Variants in URI1 observed in about 807,000 individuals in gnomAD.
The protein encoded by URI1 is URI1 prefoldin like chaperone.
In URI1, 39 loss-of-function variants were observed where a neutral mutation model predicts 60.2. The observed-to-expected ratio is 0.65, with a 90% confidence interval of 0.50 to 0.85. The LOEUF (loss-of-function observed/expected upper bound fraction) is 0.85, where lower values mean the gene tolerates loss of function less well. URI1 is among the 40% of genes least tolerant of loss of function. The pLI is 0.00. For synonymous variants in URI1, 251 were observed against 236.8 expected, an observed-to-expected ratio of 1.06 and a Z score of -0.55; for missense variants, 691 against 665.9, an observed-to-expected ratio of 1.04 and a Z score of -0.42.
intron 10 of URI1, chr19:30,012,742 C>A: frequency 2.0e-6 from 1 of 512,414 alleles, no homozygotes; most frequent in Non-Finnish European, 3.1e-6. Flanking sequence ...TCTTAACGTT[C>A]TATTTCAGCA....
intron 2 of URI1, among the ~76,000 whole-genome samples, chr19:29,984,523 A>C (rs1450059870): frequency 6.6e-6 from 1 of 152,044 alleles, no homozygotes; most frequent in Non-Finnish European, 1.5e-5. Flanking sequence ...TTCACATTTT[A>C]TTTGGTCCAG....
Position 30,007,543 on chromosome 19 carries a change from T to A in URI1, c.591T>A (p.Asn197Lys). Residue 197 changes from asparagine (N) to lysine (K), a missense_variant, in exon 7 of 11, where the codon AAT (asparagine) becomes AAA (lysine). Transcript: ENST00000392271. ...ATATTTTTGAAGCAGATATTGCAAA[T>A]GATGTGAAATCCAAGGATTTGCTAG... The part of the protein sequence containing the change: ...TSDIFEADIA[N>K]DVKSKDLLAD... 6.2e-7 allele frequency: 1 copy of A among 1,613,454 alleles called. No homozygotes were observed. Among genetic ancestry groups the A allele is most frequent in the Non-Finnish European group, 8.5e-7 (1 of 1,179,628 alleles).
chr19:29,980,815 A>G (rs1037957673), intron 2 of URI1, among the ~76,000 whole-genome samples: 3 of 150,232 alleles, frequency 2.0e-5, no homozygotes. Flanking sequence ...TCAGCTACTC[A>G]GGAGGCTGAG....
In URI1 at chr19:30,000,677, T is replaced by G. The variant is rs185856183; in HGVS notation, c.368-4684T>G. Among the ~76,000 whole-genome samples, 4 of 152,070 alleles carry G rather than the reference T, an allele frequency of 2.6e-5. No homozygotes were observed. In the East Asian group the frequency reaches 5.8e-4, roughly 22 times the overall value. On this transcript the variant is annotated intron_variant, in intron 4 of 10. Coordinates refer to ENST00000392271, the MANE Select transcript of URI1 (RefSeq NM_003796.3). ...TGTATATAACTTGTTTTTTTGTTTT[T>G]AAAGCTTTGAGATTCCTTTTTGGTC...
rs775159256 is a variant in URI1 at position 29,985,282 on chromosome 19, A to G, written c.212A>G (p.Lys71Arg). The G allele has an allele frequency of 1.2e-6, 2 of 1,611,106 alleles. No homozygotes were observed. Residue 71 changes from lysine (K) to arginine (R), a missense_variant, in exon 3 of 11, where the codon AAA (lysine) becomes AGA (arginine). Physicochemically the swap from Lys to Arg is conservative, Grantham distance 26. Coordinates refer to ENST00000392271, the MANE Select transcript of URI1 (RefSeq NM_003796.3). The stretch of plus-strand genomic sequence containing the variant: ...GAAAGACTCAGCACCTTGCCTGATA[A>G]ATTGTCTTATAATATAATGGTATGT... ...LRERLSTLPD[K>R]LSYNIMVPFG...
At chr19:29,942,103 C>T (rs1483107080), upstream of URI1, 4 of 506,288 alleles carry the variant, frequency 7.9e-6, no homozygotes, top group Admixed American at 6.4e-5. Flanking sequence ...ACAAACGCAG[C>T]CCAGCGCGGA....
chr19:30,004,853 T>TA (rs2055920402), intron 4 of URI1, among the ~76,000 whole-genome samples: 2 of 152,072 alleles, frequency 1.3e-5, no homozygotes, highest in African/African-American at 4.8e-5. Context: ...CTGTGTGTTG[T>TA]GTTGTTATGC....
At chr19:29,927,557 C>G (rs1410519919) in intron 1 of URI1, among the ~76,000 whole-genome samples, 2 of 110,798 alleles carry the variant, frequency 1.8e-5, no homozygotes, top group African/African-American at 8.9e-5. Context: ...CCACTGCACC[C>G]GGCTTTTTTT....
intron 2 of URI1, among the ~76,000 whole-genome samples, chr19:29,976,281 A>G (rs1173245242): frequency 2.0e-5 from 3 of 152,190 alleles, no homozygotes; most frequent in Non-Finnish European, 4.4e-5. Context: ...GGGTGTGCAT[A>G]TTAAGCTGGG....
intron 1 of URI1, among the ~76,000 whole-genome samples, chr19:29,931,525 G>C (rs2145197343): frequency 6.6e-6 from 1 of 152,200 alleles, no homozygotes; most frequent in Non-Finnish European, 1.5e-5. Flanking sequence ...TTCCATAAAG[G>C]CCCTATCTTC....
intron 1 of URI1, among the ~76,000 whole-genome samples, chr19:29,930,747 T>C (rs929171661): frequency 6.6e-6 from 1 of 152,100 alleles, no homozygotes; most frequent in Non-Finnish European, 1.5e-5. Context: ...CAGGCTGGAG[T>C]GCAGTGGTGC....
intron 1 of URI1, among the ~76,000 whole-genome samples, chr19:29,934,849 C>T (rs1351678194): frequency 1.3e-5 from 2 of 152,160 alleles, no homozygotes; most frequent in Non-Finnish European, 2.9e-5. Context: ...GGATTACAGG[C>T]ATAAGCCAAC....
At chr19:29,933,461 AT>A (rs1366026695) in intron 1 of URI1, among the ~76,000 whole-genome samples, 2 of 152,068 alleles carry the variant, frequency 1.3e-5, no homozygotes. Context: ...TCTCACTTTC[AT>A]TTCTGATTTT....
At position 29,943,298 on chromosome 19, in the gene URI1, G is replaced by A. The variant is rs1377233308; in HGVS notation, c.117+634G>A. On this transcript the variant is annotated intron_variant, in intron 1 of 10. Transcript: ENST00000392271. ...TTTAATTTCATCGTATAATAAATGA[G>A]TTTTAAACTACTGGTGAAAAGGGTA... 4.8e-4 allele frequency among the ~76,000 whole-genome samples: 73 copies of A among 152,106 alleles called. 2 individuals carry two copies. Among genetic ancestry groups the A allele is most frequent in the Admixed American group, 4.8e-3 (73 of 15,268 alleles).
chr19:30,012,338 A>G lies in URI1; in HGVS notation c.1232A>G (p.Lys411Arg). Residue 411 changes from lysine (K) to arginine (R), a missense_variant, in exon 10 of 11, where the codon AAG becomes AGG. Coordinates refer to ENST00000392271, the MANE Select transcript of URI1 (RefSeq NM_003796.3). ...GEYVPRKSIL[K>R]SRSRENSVCS... The stretch of plus-strand genomic sequence containing the variant: ...TATGTCCCTCGCAAATCCATCCTGA[A>G]GTCTCGAAGTAGAGAGAATAGTGTG... 3 of 1,614,186 alleles carry G rather than the reference A, an allele frequency of 1.9e-6. No homozygotes were observed. The highest frequency in any genetic ancestry group is 2.5e-6 in the Non-Finnish European group (3 of 1,180,016).
Position 29,928,058 on chromosome 19 carries a change from A to G in URI1, c.63+4304A>G, listed in dbSNP as rs115614192. On this transcript the variant is annotated intron_variant, in intron 1 of 10. Transcript: ENST00000360605. Reference sequence around the variant, plus strand: ...AGCCCAGGCTATAAGGCAAGGCCACATACAGGTGATCTGGTTGACTGCCCT... The same window carrying G: ...AGCCCAGGCTATAAGGCAAGGCCACGTACAGGTGATCTGGTTGACTGCCCT... 6.2e-3 allele frequency among the ~76,000 whole-genome samples: 950 copies of G among 152,200 alleles called. 12 individuals are homozygous for G. The highest frequency in any genetic ancestry group is 0.022 in the African/African-American group (908 of 41,536).
At chr19:29,953,848 A>G (rs556136889) in intron 1 of URI1, among the ~76,000 whole-genome samples, 5 of 152,294 alleles carry the variant, frequency 3.3e-5, no homozygotes, top group African/African-American at 1.2e-4. Flanking sequence ...ATTGCAGAAT[A>G]AAATGAGTTT....
Position 29,986,271 on chromosome 19 carries a change from T to C in URI1, c.232-11T>C. The stretch of plus-strand genomic sequence containing the variant: ...TGTTTTTTCCCTTTTTTCTTTTTTT[T>C]TAAACAATAGGTACCATTTGGCCCT... On this transcript the variant is annotated splice_polypyrimidine_tract_variant and intron_variant, in intron 3 of 10. Coordinates refer to ENST00000392271, the MANE Select transcript of URI1 (RefSeq NM_003796.3). 1 of 1,539,910 alleles carries C rather than the reference T, an allele frequency of 6.5e-7. No individual in the cohort carries two copies. Among genetic ancestry groups the C allele is most frequent in the South Asian group, 1.3e-5 (1 of 79,720 alleles).
intron 1 of URI1, among the ~76,000 whole-genome samples, chr19:29,946,250 C>A (rs1466689296): frequency 6.6e-6 from 1 of 152,140 alleles, no homozygotes; most frequent in African/African-American, 2.4e-5. Flanking sequence ...AATGTGTGGT[C>A]TAGGACTGTT....
Sources: gnomAD v4.1 joint callset for allele counts (sites outside exome capture counted in the v4.1 genomes callset) on GRCh38, gnomAD v4.1.1 for gene constraint, MANE v1.5 for transcripts, NCBI Gene and HGNC (gene_info 2026-07-23, HGNC 2026-07-21) for gene names.